CYP26C1: variants seen among roughly 807,000 people sequenced by gnomAD.
The protein encoded by CYP26C1 is cytochrome P450 family 26 subfamily C member 1.
CYP26C1 carries 41 observed loss-of-function variants against 39.1 expected under a neutral mutation model. The observed-to-expected ratio is 1.05, with a 90% CI of 0.82 to 1.36. The LOEUF is 1.36. CYP26C1 is among the 40% of genes most tolerant of loss of function. The pLI, the probability that CYP26C1 is intolerant of heterozygous loss-of-function variation, is 0.00. For synonymous variants in CYP26C1, 362 were observed against 350.8 expected (o/e 1.03, Z -0.36); for missense variants, 833 against 752.0 (o/e 1.11, Z -1.26).
At chr10:93,065,269 G>C (rs1216126460) in intron 4 of CYP26C1, among the ~76,000 whole-genome samples, 1 of 152,210 alleles carries the variant, frequency 6.6e-6, no homozygotes, top group African/African-American at 2.4e-5. Context: ...ATCCCTGAAG[G>C]GTAGGCCTCA....
chr10:93,064,516 C>T lies in CYP26C1; in HGVS notation c.841C>T (p.Pro281Ser). The change falls in exon 4 of 6, where the codon CCC becomes TCC. Residue 281 changes from proline (P) to serine (S), a missense_variant. Coordinates refer to ENST00000651965, the MANE Select transcript of CYP26C1 (RefSeq NM_183374.3). ...CAGTGCAAGGGAGCTGGGCCATGAG[C>T]CCTCCATGCAGGAGCTGAAGGTAGG... is the stretch of plus-strand genomic sequence containing the variant. ...IHSARELGHEPSMQELKESAV... is the reference protein window; with the variant it reads ...IHSARELGHESSMQELKESAV... The T allele has an allele frequency of 6.2e-7, 1 of 1,613,178 alleles. No homozygotes were observed. The highest frequency in any genetic ancestry group is 8.5e-7 in the Non-Finnish European group (1 of 1,179,276).
Position 93,061,226 on chromosome 10 carries a change from C to G in CYP26C1, c.-38C>G. ...CCCCGGTTCTTGCGTCCCCTGCTCT[C>G]CCTGCGCTCTGAGCGGCCTGGCCCC... is the stretch of plus-strand genomic sequence containing the variant. On this transcript the variant is annotated 5_prime_UTR_variant, in exon 1 of 6. Transcript: ENST00000651965. The G allele has an allele frequency of 6.5e-7, 1 of 1,540,906 alleles. No individual in the cohort carries two copies. Among genetic ancestry groups the G allele is most frequent in the Non-Finnish European group, 8.7e-7 (1 of 1,146,366 alleles).
rs1192399358 is a variant in CYP26C1, at chr10:93,066,295, C to T, written c.1191+10C>T. 3 of 1,347,766 alleles carry T rather than the reference C, an allele frequency of 2.2e-6. No homozygotes were observed. The highest frequency in any genetic ancestry group is 3.0e-5 in the Admixed American group (1 of 32,794). The allele number at this position is 1,347,766 out of a possible 1,614,324, so 83.5% of individuals were successfully genotyped here. Reference sequence around the variant, plus strand: ...CACCTTCGAGCTCGACGTAAGTGCGCCGTGCCAGCCCATGGCCAGCCTCCT... The same window carrying T: ...CACCTTCGAGCTCGACGTAAGTGCGTCGTGCCAGCCCATGGCCAGCCTCCT... On this transcript the variant is annotated intron_variant, in intron 5 of 5. Coordinates refer to ENST00000651965, the MANE Select transcript of CYP26C1 (RefSeq NM_183374.3).
At position 93,062,194 on chromosome 10, in the gene CYP26C1, T is replaced by G; in HGVS notation, c.389T>G (p.Leu130Arg). The change falls in exon 2 of 6, where the codon CTG becomes CGG. Residue 130 changes from leucine to arginine, a missense_variant. By Grantham distance (102) the Leu-to-Arg change is moderately radical (BLOSUM62 -2). Coordinates refer to ENST00000651965, the MANE Select transcript of CYP26C1 (RefSeq NM_183374.3). ...CACATCCTGCTGGGCTCGCACACAC[T>G]GCTAGGTGCGGTCGGCGAGCCGCAC... Reference protein sequence around the residue: ...SAHILLGSHTLLGAVGEPHRR... With the variant: ...SAHILLGSHTRLGAVGEPHRR... 6.5e-7 allele frequency: 1 copy of G among 1,529,284 alleles called. No homozygotes were observed. Among genetic ancestry groups the G allele is most frequent in the South Asian group, 1.2e-5 (1 of 83,808 alleles). The allele number at this position is 1,529,284 out of a possible 1,614,324, so 94.7% of individuals were successfully genotyped here. A position where few individuals can be genotyped will look rare whatever the true frequency, so the allele number is the denominator to read the frequency against.
chr10:93,062,717 C>A lies in CYP26C1; in HGVS notation c.430-3C>A. The A allele has an allele frequency of 7.1e-7, 1 of 1,408,054 alleles. No individual in the cohort carries two copies. Among genetic ancestry groups the A allele is most frequent in the Non-Finnish European group, 9.2e-7 (1 of 1,092,038 alleles). 87.2% of individuals were successfully genotyped at this position (1,408,054 alleles called of 1,614,324 possible). On this transcript the variant is annotated splice_polypyrimidine_tract_variant and splice_region_variant and intron_variant, in intron 2 of 5. Transcript: ENST00000651965. ...CCAGCGCTGATCACGCGCGCTCCCA[C>A]AGGTCCTGGCGCGCGTGTTCAGCCG...
Position 93,068,934 on chromosome 10 carries a change from G to A in CYP26C1, c.*237G>A. ...TGGGAAGATGCCTTCTGCGCTCCGC[G>A]CCCAGAGGAAGGAAAATGTCGTGGG... On this transcript the variant is annotated 3_prime_UTR_variant, in exon 6 of 6. Transcript: ENST00000651965. 1 of 606,962 alleles carries A rather than the reference G, an allele frequency of 1.6e-6. No homozygotes were observed. The highest frequency in any genetic ancestry group is 2.5e-6 in the Non-Finnish European group (1 of 394,874). 37.6% of individuals were successfully genotyped at this position (606,962 alleles called of 1,614,324 possible). A position where few individuals can be genotyped will look rare whatever the true frequency, so the allele number is the denominator to read the frequency against.
intron 5 of CYP26C1, among the ~76,000 whole-genome samples, chr10:93,068,065 G>A (rs1321864540): frequency 6.6e-6 from 1 of 152,180 alleles, no homozygotes; most frequent in Non-Finnish European, 1.5e-5. Flanking sequence ...CACCAACAAA[G>A]GGGCCATTTT....
At chr10:93,063,477 C>T (rs1257708062) in intron 3 of CYP26C1, 1 of 987,738 alleles carries the variant, frequency 1.0e-6, no homozygotes, top group East Asian at 1.1e-4. Flanking sequence ...TCCACCAGCC[C>T]TGGACCCGCT....
Position 93,061,350 on chromosome 10 carries a change from C to A in CYP26C1, c.87C>A (p.Ala29=). ...LLCAGLLLSL[A]QHLWTLRWML... ...GCGCGGGCCTGCTGCTCAGCCTGGCCCAGCACCTCTGGACCCTCCGCTGGA... is the reference window on the plus strand; with the variant it reads ...GCGCGGGCCTGCTGCTCAGCCTGGCACAGCACCTCTGGACCCTCCGCTGGA... Residue 29 remains alanine (A), a synonymous_variant, in exon 1 of 6, where the codon GCC becomes GCA. Transcript: ENST00000651965. 1 of 1,585,868 alleles carries A rather than the reference C, an allele frequency of 6.3e-7. No homozygotes were observed. The highest frequency in any genetic ancestry group is 8.6e-7 in the Non-Finnish European group (1 of 1,166,564).
intron 5 of CYP26C1, among the ~76,000 whole-genome samples, chr10:93,066,724 G>T (rs1395842465): frequency 6.6e-6 from 1 of 152,174 alleles, no homozygotes; most frequent in Non-Finnish European, 1.5e-5. Flanking sequence ...ACCCCTCATT[G>T]CGACCGGTCC....
Position 93,061,135 on chromosome 10 carries a change from C to T in CYP26C1, c.-129C>T. 2.2e-6 allele frequency: 2 copies of T among 919,972 alleles called. No individual in the cohort carries two copies. Among genetic ancestry groups the T allele is most frequent in the Non-Finnish European group, 1.6e-6 (1 of 612,566 alleles). The allele number at this position is 919,972 out of a possible 1,614,324, so 57.0% of individuals were successfully genotyped here. A position where few individuals can be genotyped will look rare whatever the true frequency, so the allele number is the denominator to read the frequency against. On this transcript the variant is annotated 5_prime_UTR_variant, in exon 1 of 6. Coordinates refer to ENST00000651965, the MANE Select transcript of CYP26C1 (RefSeq NM_183374.3). ...AGTTCTGGCCTGAGCTTATAAATCT[C>T]GGGCTTTGCCCCCAAACCCCAGGCC...
In CYP26C1 at chr10:93,062,999, C is replaced by A. The variant is rs58993699; in HGVS notation, c.705+4C>A. 2 of 1,549,724 alleles carry A rather than the reference C, an allele frequency of 1.3e-6. No homozygotes were observed. The highest frequency in any genetic ancestry group is 1.7e-6 in the Non-Finnish European group (2 of 1,149,384). The stretch of plus-strand genomic sequence containing the variant: ...TCCCTTCAGTGGCCTACGCAAGGTA[C>A]GGCCGCCCCGGCTCCAGACCTTCCT... On this transcript the variant is annotated splice_donor_region_variant and intron_variant, in intron 3 of 5. Transcript: ENST00000651965.
chr10:93,061,355 A>C lies in CYP26C1; in HGVS notation c.92A>C (p.His31Pro), dbSNP rs1320385964. ...GGCCTGCTGCTCAGCCTGGCCCAGC[A>C]CCTCTGGACCCTCCGCTGGATGCTG... ...CAGLLLSLAQ[H>P]LWTLRWMLSR... Residue 31 changes from histidine (H) to proline (P), a missense_variant, in exon 1 of 6, where the codon CAC becomes CCC. Physicochemically the swap from His to Pro is moderately conservative, Grantham distance 77. Transcript: ENST00000651965. The C allele has an allele frequency of 3.8e-6, 6 of 1,581,852 alleles. No homozygotes were observed. Among genetic ancestry groups the C allele is most frequent in the African/African-American group, 1.3e-5 (1 of 74,254 alleles).
In CYP26C1 at chr10:93,068,841, T is replaced by C; in HGVS notation, c.*144T>C. Reference sequence around the variant, plus strand: ...TCAACAAATGTTCGCCAAACGCGGATGTGTGCCGGACTCGAGGAAGGAGGA... The same window carrying C: ...TCAACAAATGTTCGCCAAACGCGGACGTGTGCCGGACTCGAGGAAGGAGGA... On this transcript the variant is annotated 3_prime_UTR_variant, in exon 6 of 6. Transcript: ENST00000651965. The C allele has an allele frequency of 7.4e-7, 1 of 1,347,908 alleles. No homozygotes were observed. Among genetic ancestry groups the C allele is most frequent in the Non-Finnish European group, 9.7e-7 (1 of 1,033,310 alleles). 83.5% of individuals were successfully genotyped at this position (1,347,908 alleles called of 1,614,324 possible).
Position 93,062,700 on chromosome 10 carries a change from G to A in CYP26C1, c.430-20G>A. 1 of 1,396,306 alleles carries A rather than the reference G, an allele frequency of 7.2e-7. No homozygotes were observed. Among genetic ancestry groups the A allele is most frequent in the Admixed American group, 3.4e-5 (1 of 29,508 alleles). 86.5% of individuals were successfully genotyped at this position (1,396,306 alleles called of 1,614,324 possible). A position where few individuals can be genotyped will look rare whatever the true frequency, so the allele number is the denominator to read the frequency against. Reference sequence around the variant, plus strand: ...ATGAGGCCAGACCGCCGCCAGCGCTGATCACGCGCGCTCCCACAGGTCCTG... The same window carrying A: ...ATGAGGCCAGACCGCCGCCAGCGCTAATCACGCGCGCTCCCACAGGTCCTG... On this transcript the variant is annotated intron_variant, in intron 2 of 5. Transcript: ENST00000651965.
chr10:93,064,855 C>G, intron 4 of CYP26C1: 1 of 1,046,978 alleles, frequency 9.6e-7, no homozygotes, highest in Non-Finnish European at 1.2e-6. Flanking sequence ...CACTCCATGC[C>G]TTTGCCTCTG....
intron 3 of CYP26C1, chr10:93,063,811 T>C (rs532713200): frequency 1.0e-6 from 1 of 985,512 alleles, no homozygotes; most frequent in African/African-American, 1.7e-5. Flanking sequence ...TTTAACCTCA[T>C]CTCCTCCGAC....
Position 93,068,780 on chromosome 10 carries a change from G to C in CYP26C1, c.*83G>C. 6.9e-7 allele frequency: 1 copy of C among 1,441,016 alleles called. No individual in the cohort carries two copies. Among genetic ancestry groups the C allele is most frequent in the Non-Finnish European group, 9.1e-7 (1 of 1,097,146 alleles). 89.3% of individuals were successfully genotyped at this position (1,441,016 alleles called of 1,614,324 possible). A position where few individuals can be genotyped will look rare whatever the true frequency, so the allele number is the denominator to read the frequency against. On this transcript the variant is annotated 3_prime_UTR_variant, in exon 6 of 6. Transcript: ENST00000651965. ...CCCATCTGCCGCTCCCCATTGTAGCGTCGCGCGCCCACTCTTTCACTCGTT... is the reference window on the plus strand; with the variant it reads ...CCCATCTGCCGCTCCCCATTGTAGCCTCGCGCGCCCACTCTTTCACTCGTT...
rs988253264 is a variant in CYP26C1, at chr10:93,068,878, C to T, written c.*181C>T. The T allele has an allele frequency of 2.8e-6, 3 of 1,082,986 alleles. No homozygotes were observed. The highest frequency in any genetic ancestry group is 3.7e-6 in the Non-Finnish European group (3 of 806,760). The allele number at this position is 1,082,986 out of a possible 1,614,324, so 67.1% of individuals were successfully genotyped here. The stretch of plus-strand genomic sequence containing the variant: ...TCGAGGAAGGAGGAGGGCGAGCCAC[C>T]GCTGCCGCGCCAGAGAAGCATCTAA... On this transcript the variant is annotated 3_prime_UTR_variant, in exon 6 of 6. Transcript: ENST00000651965.
Sources: allele counts gnomAD v4.1 joint callset (sites outside exome capture counted in the v4.1 genomes callset), GRCh38; gene constraint gnomAD v4.1.1; transcripts MANE v1.5; gene names NCBI Gene and HGNC (gene_info 2026-07-23, HGNC 2026-07-21).